Variants in RIPK1 observed in about 807,000 individuals in gnomAD.
The protein encoded by RIPK1 is receptor-interacting serine/threonine-protein kinase 1.
In RIPK1, 27 loss-of-function variants were observed where a neutral mutation model predicts 62.4. The observed-to-expected ratio is 0.43, with a 90% CI of 0.32 to 0.60. The LOEUF is 0.60. RIPK1 is among the 20% of genes least tolerant of loss of function. The probability of loss-of-function intolerance (pLI) is 0.07; values close to 1 mark genes in which losing one functional copy is unlikely to be tolerated. For missense variants in RIPK1, 735 were observed against 831.0 expected (o/e 0.88, Z 1.42); for synonymous variants, 287 against 303.2 (o/e 0.95, Z 0.55).
chr6:3,102,351 A>G (rs1420923058), intron 7 of RIPK1, among the ~76,000 whole-genome samples: 1 of 152,168 alleles, frequency 6.6e-6, no homozygotes, highest in Non-Finnish European at 1.5e-5. Flanking sequence ...CCTTCAGGCT[A>G]TGTGTATAAG....
At chr6:3,087,745 T>G (rs879554064) in intron 6 of RIPK1, among the ~76,000 whole-genome samples, 1 of 151,828 alleles carries the variant, frequency 6.6e-6, no homozygotes, top group Non-Finnish European at 1.5e-5. Context: ...TTCACCGTGT[T>G]AGCCAGGATG....
chr6:3,102,589 G>GC (rs1760635832), intron 7 of RIPK1, among the ~76,000 whole-genome samples: 1 of 151,588 alleles, frequency 6.6e-6, no homozygotes, highest in African/African-American at 2.4e-5. Flanking sequence ...AGATCATATG[G>GC]TAATTCTATG....
chr6:3,066,507 T>C (rs1173821097), upstream of RIPK1, among the ~76,000 whole-genome samples: 1 of 152,216 alleles, frequency 6.6e-6, no homozygotes, highest in East Asian at 1.9e-4. Flanking sequence ...AGTGAATAGC[T>C]CTGCCTTTCG....
In RIPK1 at chr6:3,114,707, G is replaced by A. The variant is rs568318030; in HGVS notation, c.*1368G>A. The A allele has an allele frequency of 6.6e-5, 10 of 152,406 alleles. No homozygotes were observed. The East Asian group carries it at 1.9e-3, about 29-fold the overall frequency. The allele number at this position is 152,406 out of a possible 1,614,324, so 9.4% of individuals were successfully genotyped here. ...CTGCAGAGCAGGCTGTCTCAGCCTT[G>A]CCACTGTCGGCATCTCGGCCTGGGT... is the stretch of plus-strand genomic sequence containing the variant. On this transcript the variant is annotated 3_prime_UTR_variant, in exon 11 of 11. Transcript: ENST00000259808. This position sits in a 1 kb window ranked among gnomAD's most constrained non-coding sequence, Gnocchi z 5.0.
Position 3,110,699 on chromosome 6 carries a change from ATTAAC to A in RIPK1, c.1577-99_1577-95del, listed in dbSNP as rs150942356. ...AAAGTTTAAAGGGTGGCATAGGATAATTAACTTAATGTTTGGCATAAAGCCCTGCT... is the reference window on the plus strand; with the variant it reads ...AAAGTTTAAAGGGTGGCATAGGATAATTAATGTTTGGCATAAAGCCCTGCT... On this transcript the variant is annotated intron_variant, in intron 9 of 10. Transcript: ENST00000259808. 6.5e-4 allele frequency: 441 copies of A among 682,958 alleles called. 1 individual carries two copies. In the African/African-American group the frequency reaches 7.2e-3, roughly 11 times the overall value. 42.3% of individuals were successfully genotyped at this position (682,958 alleles called of 1,614,324 possible). A position where few individuals can be genotyped will look rare whatever the true frequency, so the allele number is the denominator to read the frequency against.
At chr6:3,080,792 AC>A (rs1759332294) in intron 3 of RIPK1, among the ~76,000 whole-genome samples, 186 bp from the exon 4 acceptor site, 1 of 146,572 alleles carries the variant, frequency 6.8e-6, no homozygotes, top group South Asian at 2.1e-4. Flanking sequence ...CAACACGAAT[AC>A]CCTCTGCCCC....
At chr6:3,079,394 A>ACATACTCATTG (rs1453652599) in intron 3 of RIPK1, among the ~76,000 whole-genome samples, 1 of 152,136 alleles carries the variant, frequency 6.6e-6, no homozygotes, top group Non-Finnish European at 1.5e-5. Context: ...GTTTTGATAG[A>ACATACTCATTG]CATACTCATT....
At chr6:3,090,813 G>C (rs1410580340) in intron 7 of RIPK1, among the ~76,000 whole-genome samples, 1 of 137,024 alleles carries the variant, frequency 7.3e-6, no homozygotes, top group Admixed American at 7.0e-5. Flanking sequence ...GCCGCACCTA[G>C]TAACCGCAGC....
Position 3,113,541 on chromosome 6 carries a change from C to A in RIPK1, c.*202C>A. 1 of 554,620 alleles carries A rather than the reference C, an allele frequency of 1.8e-6. No individual in the cohort carries two copies. The highest frequency in any genetic ancestry group is 3.2e-6 in the Non-Finnish European group (1 of 317,092). 34.4% of individuals were successfully genotyped at this position (554,620 alleles called of 1,614,324 possible). ...GGTCTCACTCTGTTGCCAGGCTGGT[C>A]TCAAACTTCTGGACTCAAGTGATCC... On this transcript the variant is annotated 3_prime_UTR_variant, in exon 11 of 11. Coordinates refer to ENST00000259808, the MANE Select transcript of RIPK1 (RefSeq NM_001354930.2). This position sits in a 1 kb window ranked among gnomAD's most constrained non-coding sequence, Gnocchi z 5.0.
intron 1 of RIPK1, among the ~76,000 whole-genome samples, chr6:3,070,266 A>G (rs1758642336): frequency 6.6e-6 from 1 of 152,222 alleles, no homozygotes; most frequent in African/African-American, 2.4e-5. Flanking sequence ...TGGGCAGCTT[A>G]CTTTTTGGTG....
Position 3,075,886 on chromosome 6 carries a change from T to C in RIPK1, c.-60-878T>C, listed in dbSNP as rs553967907. Among the ~76,000 whole-genome samples the C allele has an allele frequency of 2.7e-4, 41 of 152,052 alleles. No individual in the cohort carries two copies. The South Asian group carries it at 7.9e-3, about 29-fold the overall frequency. ...CCTTGTGCCCAGTCCAAGACAAATA[T>C]GTTTGTTTGCCATGGGCTGCTTTTT... On this transcript the variant is annotated intron_variant, in intron 1 of 10. Coordinates refer to ENST00000259808, the MANE Select transcript of RIPK1 (RefSeq NM_001354930.2).
intron 3 of RIPK1, among the ~76,000 whole-genome samples, chr6:3,080,209 C>A (rs529679524): frequency 6.6e-6 from 1 of 152,288 alleles, no homozygotes; most frequent in East Asian, 1.9e-4. Context: ...TGTTAACCAA[C>A]GACCAAAATA....
At chr6:3,076,699 C>CACACATATAT (rs1759069261) in intron 1 of RIPK1, 65 bp from the exon 2 acceptor site, 1 of 209,762 alleles carries the variant, frequency 4.8e-6, no homozygotes, top group East Asian at 1.9e-4. Flanking sequence ...AAAAAAAAAA[C>CACACATATAT]ATATATATAT....
intron 1 of RIPK1, 40 bp from the exon 2 acceptor site, chr6:3,076,724 A>ATATATATATATATATATATG: frequency 1.6e-6 from 1 of 622,640 alleles, no homozygotes; most frequent in Non-Finnish European, 2.5e-6. Flanking sequence ...ATATATATAT[A>ATATATATATATATATATATG]TAGTCTTGCC....
Position 3,108,687 on chromosome 6 carries a change from G to T in RIPK1, c.1577-2116G>T, listed in dbSNP as rs74626409. On this transcript the variant is annotated intron_variant, in intron 9 of 10. Coordinates refer to ENST00000259808, the MANE Select transcript of RIPK1 (RefSeq NM_001354930.2). ...TATCATTGTCAGCAAAGAACACCTA[G>T]ACAGCCTTGAGCACTGGAAGGCACC... Among the ~76,000 whole-genome samples, 564 of 152,318 alleles carry T rather than the reference G, an allele frequency of 3.7e-3. 3 individuals are homozygous for T. The highest frequency in any genetic ancestry group is 0.026 in the South Asian group (125 of 4,824).
chr6:3,101,000 T>C (rs2113678619), intron 7 of RIPK1, among the ~76,000 whole-genome samples: 1 of 152,342 alleles, frequency 6.6e-6, no homozygotes, highest in East Asian at 1.9e-4. Context: ...ATACTTTTCA[T>C]ATTAGGCTAA....
At chr6:3,064,816 G>C (rs771722949), upstream of RIPK1, among the ~76,000 whole-genome samples, 2 of 152,222 alleles carry the variant, frequency 1.3e-5, no homozygotes, top group Non-Finnish European at 2.9e-5. Context: ...AGGATGGCCA[G>C]AGGTGGAGGC....
At chr6:3,090,628 T>C (rs1760004785) in intron 7 of RIPK1, among the ~76,000 whole-genome samples, 1 of 152,100 alleles carries the variant, frequency 6.6e-6, no homozygotes, top group South Asian at 2.1e-4. Context: ...AAACTGAAGA[T>C]TTTAATACAC....
At chr6:3,089,338 A>C (rs191501042) in intron 6 of RIPK1, among the ~76,000 whole-genome samples, 12 of 152,350 alleles carry the variant, frequency 7.9e-5, no homozygotes, top group African/African-American at 2.9e-4. Context: ...CTGCAGCACG[A>C]ATAAAAAGCA....
Sources: allele counts gnomAD v4.1 joint callset (sites outside exome capture counted in the v4.1 genomes callset), GRCh38; gene constraint gnomAD v4.1.1; non-coding constraint Gnocchi (gnomAD v3.1); transcripts MANE v1.5; gene names NCBI Gene and HGNC (gene_info 2026-07-23, HGNC 2026-07-21).